PBRM1: variants seen among roughly 807,000 people sequenced by gnomAD.
The protein encoded by PBRM1 is protein polybromo-1.
A neutral mutation model predicts 194.5 loss-of-function variants in PBRM1; 27 were observed. The ratio of observed to expected loss-of-function variants is 0.14; its 90% CI spans 0.10 to 0.19. PBRM1 has a LOEUF of 0.19. Among genes scored for constraint, PBRM1 ranks in the 10% least tolerant of loss-of-function variants. PBRM1 has a pLI of 1.00. For missense variants in PBRM1, 1,466 were observed against 2,077.2 expected (o/e 0.71, Z 5.72); for synonymous variants, 655 against 693.2 (o/e 0.94, Z 0.87).
intron 10 of PBRM1, among the ~76,000 whole-genome samples, chr3:52,639,864 C>A (rs1167986824): frequency 6.6e-6 from 1 of 151,932 alleles, no homozygotes; most frequent in East Asian, 1.9e-4. Context: ...AGCCAGTGTA[C>A]CAGCCTGCAT....
intron 29 of PBRM1, among the ~76,000 whole-genome samples, chr3:52,548,799 T>TA (rs1354998009): frequency 6.6e-6 from 1 of 152,038 alleles, no homozygotes; most frequent in Non-Finnish European, 1.5e-5. Context: ...CCTAAAAAGG[T>TA]AAACATGTGA....
At chr3:52,629,804 G>A (rs770182015) in intron 11 of PBRM1, among the ~76,000 whole-genome samples, 2 of 152,160 alleles carry the variant, frequency 1.3e-5, no homozygotes, top group African/African-American at 4.8e-5. Context: ...GCATTTGCAC[G>A]TTAACCATCA....
chr3:52,652,089 A>G (rs769105438), intron 5 of PBRM1, among the ~76,000 whole-genome samples: 1 of 152,216 alleles, frequency 6.6e-6, no homozygotes, highest in African/African-American at 2.4e-5. Context: ...TGTTTTAAAA[A>G]ATTCTAGGCT....
intron 21 of PBRM1, 74 bp downstream of exon 23, chr3:52,578,980 G>A (rs780321641): frequency 4.9e-6 from 7 of 1,429,486 alleles, no homozygotes; most frequent in East Asian, 4.5e-5. Flanking sequence ...GTCTTCATCC[G>A]AAGGGTGACT....
chr3:52,588,731 T>C (rs879581068), intron 18 of PBRM1, among the ~76,000 whole-genome samples: 15 of 151,920 alleles, frequency 9.9e-5, no homozygotes, highest in Admixed American at 3.3e-4. Context: ...ATTTTTTGTA[T>C]CTTTTTAGTA....
In PBRM1 at chr3:52,609,380, A is replaced by G. The variant is rs753789544; in HGVS notation, c.2500T>C (p.Tyr834His). The G allele has an allele frequency of 2.5e-6, 4 of 1,613,776 alleles. No homozygotes were observed. The highest frequency in any genetic ancestry group is 3.4e-6 in the Non-Finnish European group (4 of 1,179,640). ...TCTTGAAATAAATCAAGCCGACGGT[A>G]GCGATTATTTTCAACATTCTTCCTA... The change falls in exon 16 of 30, where the codon TAC (tyrosine) becomes CAC (histidine). Residue 834 changes from tyrosine (Y) to histidine (H), a missense_variant. Physicochemically the swap from Tyr to His is moderately conservative, Grantham distance 83. Transcript: ENST00000296302. The surrounding 1 kb of genome is among the most constrained non-coding windows in gnomAD (Gnocchi z 4.1).
chr3:52,637,902 C>T (rs551183599), intron 10 of PBRM1, among the ~76,000 whole-genome samples: 5 of 151,598 alleles, frequency 3.3e-5, no homozygotes, highest in East Asian at 1.9e-4. Context: ...GCGGGGATTG[C>T]GCCATTGCAC....
chr3:52,635,888 G>A (rs549454571), intron 10 of PBRM1, among the ~76,000 whole-genome samples: 1 of 151,780 alleles, frequency 6.6e-6, no homozygotes, highest in Admixed American at 6.6e-5. Context: ...TTTTTGAGAC[G>A]GGGTCTCACT....
At chr3:52,670,121 G>A (rs544539077) in intron 2 of PBRM1, among the ~76,000 whole-genome samples, 2 of 152,254 alleles carry the variant, frequency 1.3e-5, no homozygotes, top group South Asian at 2.1e-4. Flanking sequence ...AAGCTAAGGG[G>A]ACTATCTGTA....
chr3:52,578,970 G>T (rs757144218), intron 21 of PBRM1, 84 bp downstream of exon 23: 2 of 1,304,810 alleles, frequency 1.5e-6, no homozygotes, highest in Non-Finnish European at 2.2e-6. Context: ...AAGGACTTTT[G>T]TCTTCATCCG....
At chr3:52,651,408 T>C (rs1049089279) in intron 6 of PBRM1, among the ~76,000 whole-genome samples, 1 of 152,234 alleles carries the variant, frequency 6.6e-6, no homozygotes, top group African/African-American at 2.4e-5. Context: ...TATTATGCAC[T>C]GTATGCCAGT....
exon 27 of PBRM1, chr3:52,554,750 G>C: frequency 1.3e-6 from 2 of 1,568,376 alleles, no homozygotes; most frequent in Non-Finnish European, 1.7e-6. Flanking sequence ...CGGGAGGCCA[G>C]GCACACCTGG....
intron 16 of PBRM1, among the ~76,000 whole-genome samples, chr3:52,605,010 A>C (rs1406717841): frequency 1.4e-5 from 2 of 147,862 alleles, no homozygotes; most frequent in African/African-American, 4.9e-5. Flanking sequence ...GGAGTGGGCA[A>C]AATAAACTTC....
chr3:52,677,564 C>G (rs2097133998), intron 2 of PBRM1, among the ~76,000 whole-genome samples: 1 of 152,280 alleles, frequency 6.6e-6, no homozygotes, highest in South Asian at 2.1e-4. Context: ...AGGCGCCCAC[C>G]ACCAAGCCTG....
chr3:52,641,476 A>G (rs1051616176), intron 10 of PBRM1, among the ~76,000 whole-genome samples: 2 of 150,640 alleles, frequency 1.3e-5, no homozygotes, highest in African/African-American at 4.9e-5. Flanking sequence ...AAAAAAAAAG[A>G]AAGAAAGAAA....
chr3:52,588,628 C>T (rs1199632249), intron 18 of PBRM1, among the ~76,000 whole-genome samples: 1 of 150,600 alleles, frequency 6.6e-6, no homozygotes, highest in East Asian at 1.9e-4. Flanking sequence ...ATCTCGGCTC[C>T]CTTGCAAGCT....
chr3:52,560,784 G>T (rs534833972), intron 25 of PBRM1: 1 of 152,148 alleles, frequency 6.6e-6, no homozygotes, highest in South Asian at 2.1e-4. Flanking sequence ...AAGCCTGTCA[G>T]ATAATTTCAT....
intron 15 of PBRM1, among the ~76,000 whole-genome samples, chr3:52,611,351 A>G (rs1252237549): frequency 2.6e-5 from 4 of 152,222 alleles, no homozygotes; most frequent in African/African-American, 7.2e-5. Flanking sequence ...AAAGCCATAA[A>G]TAGATTTCAC....
chr3:52,587,988 C>A (rs951573163), intron 18 of PBRM1, among the ~76,000 whole-genome samples: 1 of 151,962 alleles, frequency 6.6e-6, no homozygotes, highest in Non-Finnish European at 1.5e-5. Context: ...TGCAATCACA[C>A]CCTGCTGATT....
Sources: allele counts gnomAD v4.1 joint callset (sites outside exome capture counted in the v4.1 genomes callset), GRCh38; gene constraint gnomAD v4.1.1; non-coding constraint Gnocchi (gnomAD v3.1); transcripts MANE v1.5; gene names NCBI Gene and HGNC (gene_info 2026-07-23, HGNC 2026-07-21).